DPYSL3: variants seen among roughly 807,000 people sequenced by gnomAD.
The protein encoded by DPYSL3 is dihydropyrimidinase-related protein 3.
A neutral mutation model predicts 66.1 loss-of-function variants in DPYSL3; 16 were observed. The ratio of observed to expected loss-of-function variants is 0.24; its 90% confidence interval spans 0.16 to 0.37. The LOEUF (loss-of-function observed/expected upper bound fraction) is 0.37. DPYSL3 is among the 10% of genes least tolerant of loss of function. The pLI is 1.00. For synonymous variants in DPYSL3, 338 were observed against 345.1 expected (o/e 0.98, Z 0.23); for missense variants, 738 against 916.2 (o/e 0.81, Z 2.51).
intron 1 of DPYSL3, among the ~76,000 whole-genome samples, chr5:147,498,979 A>G (rs560892180): frequency 1.7e-4 from 26 of 152,012 alleles, no homozygotes; most frequent in Non-Finnish European, 3.1e-4. Flanking sequence ...TGGTGTCTTC[A>G]TTATGAAATT....
intron 1 of DPYSL3, among the ~76,000 whole-genome samples, chr5:147,439,325 C>T (rs889216532): frequency 6.6e-6 from 1 of 151,566 alleles, no homozygotes; most frequent in Non-Finnish European, 1.5e-5. Context: ...TCAAAGAGGG[C>T]ATGTCTAAGG....
At chr5:147,481,030 AT>A (rs1753232090) in intron 1 of DPYSL3, among the ~76,000 whole-genome samples, 1 of 152,128 alleles carries the variant, frequency 6.6e-6, no homozygotes, top group African/African-American at 2.4e-5. Context: ...CCATAAATCT[AT>A]TTTTATTAAA....
At chr5:147,434,277 T>G (rs1752373776) in intron 1 of DPYSL3, among the ~76,000 whole-genome samples, 1 of 152,232 alleles carries the variant, frequency 6.6e-6, no homozygotes, top group African/African-American at 2.4e-5. Flanking sequence ...GAGAGCTAAT[T>G]CATGTCCCTC....
chr5:147,434,708 C>T (rs1752385184), intron 1 of DPYSL3, among the ~76,000 whole-genome samples: 1 of 129,792 alleles, frequency 7.7e-6, no homozygotes, highest in African/African-American at 3.0e-5. Context: ...TATAGAAAGA[C>T]AGTAAAATGA....
At chr5:147,425,061 T>C (rs907769488) in intron 1 of DPYSL3, 98 bp from the exon 2 acceptor site, 17 of 850,640 alleles carry the variant, frequency 2.0e-5, no homozygotes, top group Admixed American at 1.9e-4. Flanking sequence ...AGATGTCTAG[T>C]AGAAACACAT....
At chr5:147,403,110 G>A (rs114791718) in intron 8 of DPYSL3, among the ~76,000 whole-genome samples, 402 of 152,214 alleles carry the variant, frequency 2.6e-3, no homozygotes, top group African/African-American at 8.8e-3. Context: ...CTAATAATGC[G>A]CGGGGTCTCA....
At chr5:147,417,776 G>C (rs1751999813) in intron 3 of DPYSL3, among the ~76,000 whole-genome samples, 3 of 152,094 alleles carry the variant, frequency 2.0e-5, no homozygotes, top group Admixed American at 1.3e-4. Flanking sequence ...AAAAACAAGA[G>C]AAACCACTCC....
chr5:147,405,932 A>G, intron 7 of DPYSL3: 2 of 529,382 alleles, frequency 3.8e-6, no homozygotes, highest in South Asian at 3.1e-5. Flanking sequence ...CAGTGCCTCT[A>G]TCCCTCACTA....
intron 1 of DPYSL3, among the ~76,000 whole-genome samples, chr5:147,475,670 T>C (rs1677512123): frequency 6.6e-6 from 1 of 152,046 alleles, no homozygotes; most frequent in Non-Finnish European, 1.5e-5. Context: ...AATTACAGAA[T>C]AAATAAAAGA....
intron 1 of DPYSL3, among the ~76,000 whole-genome samples, chr5:147,488,731 T>C (rs1753372406): frequency 6.6e-6 from 1 of 151,780 alleles, no homozygotes; most frequent in Non-Finnish European, 1.5e-5. Flanking sequence ...AAAAAATATA[T>C]TGGCCAGGAG....
At chr5:147,401,836 C>T (rs765381941) in intron 8 of DPYSL3, 140 bp from the exon 9 acceptor site, 9 of 961,158 alleles carry the variant, frequency 9.4e-6, no homozygotes, top group Non-Finnish European at 1.3e-5. Flanking sequence ...CATGTTCCCA[C>T]CTTTTTAAAG....
chr5:147,493,775 T>G (rs1357209154), intron 1 of DPYSL3, among the ~76,000 whole-genome samples: 8 of 152,196 alleles, frequency 5.3e-5, no homozygotes, highest in Non-Finnish European at 1.2e-4. Context: ...TTCCGGGGTA[T>G]AAAACACATC....
At chr5:147,415,942 T>G in intron 3 of DPYSL3, 69 bp from the exon 4 acceptor site, 1 of 1,534,084 alleles carries the variant, frequency 6.5e-7, no homozygotes, top group Non-Finnish European at 8.8e-7. Context: ...CCAGGCCTGC[T>G]CCTGCTTGCT....
At chr5:147,497,298 C>T (rs1048856502) in intron 1 of DPYSL3, among the ~76,000 whole-genome samples, 10 of 151,460 alleles carry the variant, frequency 6.6e-5, no homozygotes, top group Non-Finnish European at 1.2e-4. Context: ...ATACCTAATG[C>T]TAAATGACGA....
At position 147,426,740 on chromosome 5, in the gene DPYSL3, C is replaced by T. The variant is rs372504318; in HGVS notation, c.382-1777G>A. The stretch of plus-strand genomic sequence containing the variant: ...ACTTCTGGCTTCAGAAATGAAAGGG[C>T]CAGAGAATGAGATTTGAAGGTAGGC... On this transcript the variant is annotated intron_variant, in intron 1 of 13. Transcript: ENST00000343218. Among the ~76,000 whole-genome samples, 8 of 152,172 alleles carry T rather than the reference C, an allele frequency of 5.3e-5. No individual in the cohort carries two copies. The East Asian group carries it at 1.4e-3, about 26-fold the overall frequency.
At chr5:147,471,344 G>A (rs919757933) in intron 1 of DPYSL3, among the ~76,000 whole-genome samples, 2 of 152,082 alleles carry the variant, frequency 1.3e-5, no homozygotes, top group East Asian at 3.9e-4. Context: ...CTCCACCTAG[G>A]CTAGAATCAG....
At chr5:147,488,079 TG>T (rs1753362598) in intron 1 of DPYSL3, among the ~76,000 whole-genome samples, 1 of 152,228 alleles carries the variant, frequency 6.6e-6, no homozygotes, top group Non-Finnish European at 1.5e-5. Flanking sequence ...TCCATTTCAT[TG>T]GTTTTATTTA....
intron 12 of DPYSL3, 93 bp from the exon 13 acceptor site, chr5:147,395,814 G>C (rs2288807): frequency 0.42 from 603,189 of 1,434,456 alleles, 132,144 homozygotes; most frequent in African/African-American, 0.7. Context: ...TACAGTGTGT[G>C]GTGGGAGCTA....
At chr5:147,460,871 A>G (rs577483453) in intron 1 of DPYSL3, among the ~76,000 whole-genome samples, 1 of 152,348 alleles carries the variant, frequency 6.6e-6, no homozygotes, top group Admixed American at 6.5e-5. Flanking sequence ...CCTAAGGTAC[A>G]AGGTAATCTT....
Sources: allele counts gnomAD v4.1 joint callset (sites outside exome capture counted in the v4.1 genomes callset), GRCh38; gene constraint gnomAD v4.1.1; transcripts MANE v1.5; gene names NCBI Gene and HGNC (gene_info 2026-07-23, HGNC 2026-07-21).